The following MTURN variants were observed in gnomAD, a reference collection of about 807,000 sequenced individuals.
MTURN encodes maturin.
MTURN carries 7 observed loss-of-function variants against 14.9 expected under a neutral mutation model. The ratio of observed to expected loss-of-function variants is 0.47; its 90% confidence interval spans 0.27 to 0.88. The LOEUF (loss-of-function observed/expected upper bound fraction) is 0.88. Among genes scored for constraint, MTURN ranks in the 40% least tolerant of loss-of-function variants. The probability of loss-of-function intolerance (pLI) is 0.14; values close to 1 mark genes in which losing one functional copy is unlikely to be tolerated. For missense variants in MTURN, 151 were observed against 174.1 expected, an observed-to-expected ratio of 0.87 and a Z score of 0.75; for synonymous variants, 69 against 72.5, an observed-to-expected ratio of 0.95 and a Z score of 0.25.
chr7:30,157,408 A>G, intron 2 of MTURN, 30 bp from the exon 3 acceptor site: 1 of 1,537,552 alleles, frequency 6.5e-7, no homozygotes, highest in Non-Finnish European at 8.7e-7. Context: ...TGGCGCTCAC[A>G]GCTGCTTTTC....
At chr7:30,145,642 G>C (rs79489077) in intron 1 of MTURN, among the ~76,000 whole-genome samples, 1 of 152,234 alleles carries the variant, frequency 6.6e-6, no homozygotes, top group Non-Finnish European at 1.5e-5. Context: ...CAGTGACATA[G>C]TGGTGACTTG....
In MTURN at chr7:30,135,285, G is replaced by T. The variant is rs1212185490; in HGVS notation, c.149G>T (p.Cys50Phe). The change falls in exon 1 of 3, where the codon TGC (cysteine) becomes TTC (phenylalanine). Residue 50 changes from cysteine to phenylalanine, a missense_variant. By Grantham distance (205) the Cys-to-Phe change is radical. Transcript: ENST00000324453. ...TATGTGCTGTGTCCGGACAACGGCT[G>T]CGGCGACAATTTTGTGAGTGCCTGG... The part of the protein sequence containing the change: ...SFYVLCPDNG[C>F]GDNFHVWSES... The T allele has an allele frequency of 1.4e-5, 22 of 1,524,438 alleles. No homozygotes were observed. Among genetic ancestry groups the T allele is most frequent in the Non-Finnish European group, 1.9e-5 (22 of 1,135,414 alleles). 94.4% of individuals were successfully genotyped at this position (1,524,438 alleles called of 1,614,324 possible).
intron 1 of MTURN, among the ~76,000 whole-genome samples, chr7:30,143,596 T>C (rs796065484): frequency 5.9e-4 from 90 of 152,196 alleles, no homozygotes; most frequent in African/African-American, 2.1e-3. Flanking sequence ...TGGACAAGGA[T>C]TCAGTTACAA....
chr7:30,152,096 C>T (rs574998268), intron 2 of MTURN, among the ~76,000 whole-genome samples: 1 of 152,166 alleles, frequency 6.6e-6, no homozygotes, highest in South Asian at 2.1e-4. Flanking sequence ...ATTATGCACA[C>T]ATGTGGGTTT....
At chr7:30,142,419 G>A (rs889069952) in intron 1 of MTURN, among the ~76,000 whole-genome samples, 8 of 152,122 alleles carry the variant, frequency 5.3e-5, no homozygotes, top group African/African-American at 1.9e-4. Flanking sequence ...CTCCCGGAAA[G>A]ATATTTAAAT....
In MTURN at chr7:30,161,566, C is replaced by G. The variant is rs1310915824; in HGVS notation, c.*4018C>G. ...CTCCAGGCACCCGGCAGGTAAATCACAAAGCAAACTTGGGTGTCCTTGGCA... is the reference window on the plus strand; with the variant it reads ...CTCCAGGCACCCGGCAGGTAAATCAGAAAGCAAACTTGGGTGTCCTTGGCA... On this transcript the variant is annotated 3_prime_UTR_variant, in exon 3 of 3. Coordinates refer to ENST00000324453, the MANE Select transcript of MTURN (RefSeq NM_152793.3). The G allele has an allele frequency of 6.6e-6, 1 of 152,216 alleles. No individual in the cohort carries two copies. Among genetic ancestry groups the G allele is most frequent in the Non-Finnish European group, 1.5e-5 (1 of 68,070 alleles). The allele number at this position is 152,216 out of a possible 1,614,324, so 9.4% of individuals were successfully genotyped here. A position where few individuals can be genotyped will look rare whatever the true frequency, so the allele number is the denominator to read the frequency against.
At chr7:30,146,377 G>A in intron 2 of MTURN, 78 bp downstream of exon 2, 1 of 1,587,648 alleles carries the variant, frequency 6.3e-7, no homozygotes, top group South Asian at 1.1e-5. Flanking sequence ...CGGTGGGGAA[G>A]GTGGGCAAAA....
intron 2 of MTURN, among the ~76,000 whole-genome samples, chr7:30,147,571 C>T (rs1056666217): frequency 6.6e-6 from 1 of 152,236 alleles, no homozygotes; most frequent in East Asian, 1.9e-4. Flanking sequence ...AGTGAAGTTT[C>T]TAGCTGCTGC....
intron 1 of MTURN, among the ~76,000 whole-genome samples, chr7:30,137,078 G>A (rs775284786): frequency 6.6e-6 from 1 of 151,198 alleles, no homozygotes; most frequent in Non-Finnish European, 1.5e-5. Context: ...GGAAGGAGTG[G>A]GAGATCATTA....
intron 2 of MTURN, among the ~76,000 whole-genome samples, chr7:30,153,058 T>C (rs1797235616): frequency 6.6e-6 from 1 of 152,234 alleles, no homozygotes. Context: ...TGATTATAAC[T>C]GTCAGGAATA....
At chr7:30,153,521 A>G (rs972509435) in intron 2 of MTURN, among the ~76,000 whole-genome samples, 1 of 152,110 alleles carries the variant, frequency 6.6e-6, no homozygotes, top group Non-Finnish European at 1.5e-5. Context: ...CTGTCAGATC[A>G]CCCAGGTTTG....
In MTURN at chr7:30,158,838, C is replaced by T. The variant is rs2128034823; in HGVS notation, c.*1290C>T. 6.6e-6 allele frequency: 1 copy of T among 152,276 alleles called. No homozygotes were observed. Among genetic ancestry groups the T allele is most frequent in the African/African-American group, 2.4e-5 (1 of 41,556 alleles). 9.4% of individuals were successfully genotyped at this position (152,276 alleles called of 1,614,324 possible). The stretch of plus-strand genomic sequence containing the variant: ...GTTAACCTAGGATGCGGAATGCCTC[C>T]TTTACAACACTAGATTAAACCTAGC... On this transcript the variant is annotated 3_prime_UTR_variant, in exon 3 of 3. Transcript: ENST00000324453.
chr7:30,146,548 A>AT (rs1562569173), intron 2 of MTURN, among the ~76,000 whole-genome samples: 2 of 147,240 alleles, frequency 1.4e-5, no homozygotes, highest in African/African-American at 5.1e-5. Context: ...AGAATCCCTG[A>AT]TGGGGGGGGA....
At chr7:30,136,462 G>T (rs1381195446) in intron 1 of MTURN, among the ~76,000 whole-genome samples, 1 of 152,214 alleles carries the variant, frequency 6.6e-6, no homozygotes, top group East Asian at 1.9e-4. Flanking sequence ...GTGGTGCGGG[G>T]CGCGGCCTGG....
chr7:30,155,514 C>T (rs1473290616), intron 2 of MTURN, among the ~76,000 whole-genome samples: 1 of 152,184 alleles, frequency 6.6e-6, no homozygotes, highest in Non-Finnish European at 1.5e-5. Context: ...GCAAGGGAGA[C>T]AGGAGCCGGA....
intron 2 of MTURN, among the ~76,000 whole-genome samples, chr7:30,156,757 A>G (rs1230130393): frequency 2.0e-5 from 3 of 151,916 alleles, no homozygotes; most frequent in Admixed American, 1.3e-4. Context: ...CCCGGGAATT[A>G]GAGGTTGCAG....
At chr7:30,135,940 A>C (rs192335940) in intron 1 of MTURN, among the ~76,000 whole-genome samples, 15 of 152,306 alleles carry the variant, frequency 9.8e-5, no homozygotes, top group African/African-American at 3.6e-4. Flanking sequence ...CCGGATCTTA[A>C]TACGCACGCG....
In MTURN at chr7:30,162,635, G is replaced by C. The variant is rs974653046; in HGVS notation, c.*5087G>C. The stretch of plus-strand genomic sequence containing the variant: ...CAAAAACTGTTGCCCTTCGTTAGAT[G>C]CTTCAAACAGTGTAAATCCTATACT... On this transcript the variant is annotated 3_prime_UTR_variant, in exon 3 of 3. Coordinates refer to ENST00000324453, the MANE Select transcript of MTURN (RefSeq NM_152793.3). 1.3e-5 allele frequency: 2 copies of C among 152,484 alleles called. No homozygotes were observed. Among genetic ancestry groups the C allele is most frequent in the African/African-American group, 4.8e-5 (2 of 41,358 alleles). 9.4% of individuals were successfully genotyped at this position (152,484 alleles called of 1,614,324 possible).
rs189771106 is a variant in MTURN, at chr7:30,161,773, A to C, written c.*4225A>C. On this transcript the variant is annotated 3_prime_UTR_variant, in exon 3 of 3. Coordinates refer to ENST00000324453, the MANE Select transcript of MTURN (RefSeq NM_152793.3). ...TCACCCAGTCTTCGGAGAAGCCTAAAATTTCTTTGAATTAAAAACTGATCC... is the reference window on the plus strand; with the variant it reads ...TCACCCAGTCTTCGGAGAAGCCTAACATTTCTTTGAATTAAAAACTGATCC... The C allele has an allele frequency of 6.0e-4, 91 of 152,320 alleles. No individual in the cohort carries two copies. The highest frequency in any genetic ancestry group is 3.4e-3 in the Middle Eastern group (1 of 294). The allele number at this position is 152,320 out of a possible 1,614,324, so 9.4% of individuals were successfully genotyped here.
Sources: gnomAD v4.1 joint callset for allele counts (sites outside exome capture counted in the v4.1 genomes callset) on GRCh38, gnomAD v4.1.1 for gene constraint, MANE v1.5 for transcripts, NCBI Gene and HGNC (gene_info 2026-07-23, HGNC 2026-07-21) for gene names.